S100Z: variants seen among roughly 807,000 people sequenced by gnomAD.
S100Z encodes protein S100-Z.
Under a neutral mutation model 8.5 loss-of-function variants are expected in S100Z, and 11 were observed. The ratio of observed to expected loss-of-function variants is 1.30; its 90% CI spans 0.82 to 2.15. S100Z has a LOEUF of 2.15. S100Z is among the 30% of genes most tolerant of loss of function. The pLI, the probability that S100Z is intolerant of heterozygous loss-of-function variation, is 0.00. For missense variants in S100Z, 126 were observed against 117.9 expected, an observed-to-expected ratio of 1.07 and a Z score of -0.32; for synonymous variants, 34 against 43.8, an observed-to-expected ratio of 0.78 and a Z score of 0.89.
chr5:76,886,974 G>A (rs1325085295), intron 4 of S100Z, among the ~76,000 whole-genome samples: 1 of 152,146 alleles, frequency 6.6e-6, no homozygotes, highest in Non-Finnish European at 1.5e-5. Flanking sequence ...TATACGTGCA[G>A]GTCACAGGGG....
downstream of S100Z, among the ~76,000 whole-genome samples, chr5:76,925,677 G>A (rs1745126736): frequency 6.6e-6 from 1 of 151,890 alleles, no homozygotes; most frequent in Admixed American, 6.6e-5. Context: ...TAATATAAAC[G>A]TATGTAAAGC....
chr5:76,866,267 C>T (rs559264847), intron 1 of S100Z, among the ~76,000 whole-genome samples: 82 of 151,868 alleles, frequency 5.4e-4, no homozygotes, highest in African/African-American at 1.9e-3. Flanking sequence ...GTATTTTTAG[C>T]AGAGACAGGG....
At chr5:76,907,989 G>A (rs926634107) in intron 4 of S100Z, among the ~76,000 whole-genome samples, 1 of 152,076 alleles carries the variant, frequency 6.6e-6, no homozygotes, top group African/African-American at 2.4e-5. Context: ...ATATCAGTCA[G>A]ATGTGGTGGC....
At chr5:76,860,474 A>G (rs1751024030) in intron 1 of S100Z, among the ~76,000 whole-genome samples, 1 of 152,156 alleles carries the variant, frequency 6.6e-6, no homozygotes, top group Non-Finnish European at 1.5e-5. Flanking sequence ...CAGCTGCTCA[A>G]GAGGGGCTGA....
the S100Z span, among the ~76,000 whole-genome samples, chr5:76,928,923 G>A: frequency 3.3e-5 from 5 of 152,166 alleles, no homozygotes; most frequent in African/African-American, 7.2e-5. Flanking sequence ...AACATTTTTC[G>A]TAGAGACAAG....
intron 4 of S100Z, among the ~76,000 whole-genome samples, chr5:76,909,083 T>C (rs1159854262): frequency 1.3e-5 from 2 of 152,134 alleles, no homozygotes; most frequent in East Asian, 1.9e-4. Flanking sequence ...CCAGGGACCA[T>C]TGTGGGTTCT....
At chr5:76,930,432 T>C in the S100Z span, among the ~76,000 whole-genome samples, 3 of 152,124 alleles carry the variant, frequency 2.0e-5, no homozygotes, top group Non-Finnish European at 4.4e-5. Flanking sequence ...GGACTGAACT[T>C]AGGTCTCAAG....
At chr5:76,948,567 T>C in the S100Z span, among the ~76,000 whole-genome samples, 8 of 152,050 alleles carry the variant, frequency 5.3e-5, no homozygotes, top group African/African-American at 1.9e-4. Context: ...GGCCAACCAG[T>C]ATATGAAAAG....
intron 4 of S100Z, among the ~76,000 whole-genome samples, chr5:76,894,591 T>TA (rs1008481119): frequency 2.7e-5 from 4 of 147,792 alleles, no homozygotes; most frequent in African/African-American, 8.0e-5. Flanking sequence ...GTCGGTGATT[T>TA]AAATTTTTTT....
At chr5:76,868,394 C>G (rs1742865287) in intron 1 of S100Z, among the ~76,000 whole-genome samples, 1 of 152,148 alleles carries the variant, frequency 6.6e-6, no homozygotes, top group Non-Finnish European at 1.5e-5. Flanking sequence ...GTAGAAGCCA[C>G]ATTTTCATCT....
intron 1 of S100Z, among the ~76,000 whole-genome samples, chr5:76,865,238 C>CTA (rs1491513943): frequency 9.0e-6 from 1 of 110,652 alleles, no homozygotes; most frequent in African/African-American, 3.9e-5. Flanking sequence ...TGTGTCCTAG[C>CTA]TCTTTTTTTT....
chr5:76,863,695 C>T lies in S100Z; in HGVS notation c.-175-6471C>T, dbSNP rs900654856. Among the ~76,000 whole-genome samples the T allele has an allele frequency of 2.1e-4, 32 of 151,978 alleles. 1 individual carries two copies. The highest frequency in any genetic ancestry group is 2.2e-4 in the African/African-American group (9 of 41,318). On this transcript the variant is annotated intron_variant, in intron 1 of 4. Transcript: ENST00000317593. ...CTGGGACTACAGGCACCCGCCACCACACCCAGCTAATTTTTTGTATTTTTA... is the reference window on the plus strand; with the variant it reads ...CTGGGACTACAGGCACCCGCCACCATACCCAGCTAATTTTTTGTATTTTTA...
chr5:76,853,614 G>A (rs908556089), intron 1 of S100Z, among the ~76,000 whole-genome samples: 1 of 151,944 alleles, frequency 6.6e-6, no homozygotes, highest in Non-Finnish European at 1.5e-5. Flanking sequence ...TGGCCAACAA[G>A]GTGAAACCTT....
At chr5:76,875,010 G>A (rs1052473990) in intron 2 of S100Z, among the ~76,000 whole-genome samples, 3 of 151,876 alleles carry the variant, frequency 2.0e-5, no homozygotes, top group Admixed American at 6.6e-5. Context: ...TCAGCCTCCT[G>A]AGTAGCTAGC....
rs1021041482 is a variant in S100Z, at chr5:76,875,143, T to C, written c.-56-161T>C. On this transcript the variant is annotated intron_variant, in intron 2 of 4. Transcript: ENST00000317593. ...TCTGACCTTGTGATCCACCCATCTC[T>C]GCCTCCCAAAGTGCTGGGATTACAG... Among the ~76,000 whole-genome samples, 6 of 152,186 alleles carry C rather than the reference T, an allele frequency of 3.9e-5. 1 individual carries two copies. The highest frequency in any genetic ancestry group is 8.8e-5 in the Non-Finnish European group (6 of 68,014).
intron 4 of S100Z, among the ~76,000 whole-genome samples, chr5:76,893,700 G>T (rs1247078450): frequency 6.6e-6 from 1 of 152,074 alleles, no homozygotes; most frequent in Non-Finnish European, 1.5e-5. Flanking sequence ...ACTTTCTTAG[G>T]GACTAAAAAG....
At chr5:76,935,745 A>G in the S100Z span, among the ~76,000 whole-genome samples, 3 of 151,548 alleles carry the variant, frequency 2.0e-5, no homozygotes, top group African/African-American at 7.3e-5. Flanking sequence ...CTTTAGCTTT[A>G]AGTCTAAAGA....
chr5:76,922,181 T>C (rs558819826), downstream of S100Z, among the ~76,000 whole-genome samples: 6 of 152,226 alleles, frequency 3.9e-5, no homozygotes, highest in Middle Eastern at 3.4e-3. Context: ...CTCCCAAGCA[T>C]AGGGAGAGAC....
rs145620137 is a variant in S100Z at position 76,905,452 on chromosome 5, G to A, written c.*3-15265G>A. Among the ~76,000 whole-genome samples the A allele has an allele frequency of 4.6e-3, 697 of 151,900 alleles. 6 individuals carry two copies. The highest frequency in any genetic ancestry group is 0.016 in the African/African-American group (647 of 41,410). On this transcript the variant is annotated intron_variant, in intron 4 of 4. Coordinates refer to ENST00000317593, the MANE Select transcript of S100Z (RefSeq NM_130772.4). ...TTTTGAGATGGAGTCTCACTCTGTT[G>A]CCTAGGCTGGAGTGCAGTGGCATGA... is the stretch of plus-strand genomic sequence containing the variant.
Sources: allele counts gnomAD v4.1 joint callset (sites outside exome capture counted in the v4.1 genomes callset), GRCh38; gene constraint gnomAD v4.1.1; transcripts MANE v1.5; gene names NCBI Gene and HGNC (gene_info 2026-07-23, HGNC 2026-07-21).